The following SFI1 variants were observed in gnomAD, a reference collection of about 807,000 sequenced individuals.
The protein encoded by SFI1 is SFI1 centrin binding protein, also known as protein SFI1 homolog.
Under a neutral mutation model 207.5 loss-of-function variants are expected in SFI1, and 195 were observed. That is an observed-to-expected ratio of 0.94 (90% CI 0.84 to 1.06). The LOEUF is 1.06. Ranked by LOEUF, SFI1 falls within the 50% of genes least tolerant of loss-of-function variation. The pLI is 0.00. For missense variants in SFI1, 1,634 were observed against 1,588.0 expected, an observed-to-expected ratio of 1.03 and a Z score of -0.49; for synonymous variants, 630 against 598.9, an observed-to-expected ratio of 1.05 and a Z score of -0.76.
chr22:31,528,936 T>G, intron 3 of SFI1, 73 bp downstream of exon 3: 1 of 1,438,670 alleles, frequency 7.0e-7, no homozygotes, highest in South Asian at 1.3e-5. Context: ...AATGGGGGAA[T>G]GATTCTTATT....
intron 6 of SFI1, among the ~76,000 whole-genome samples, chr22:31,554,311 CT>C (rs1399106905): frequency 6.6e-6 from 1 of 151,084 alleles, no homozygotes; most frequent in Non-Finnish European, 1.5e-5. Context: ...TTTCTTTTTT[CT>C]TTTTTTTAAA....
Position 31,561,301 on chromosome 22 carries a change from G to C in SFI1, c.674G>C (p.Ser225Thr). Residue 225 changes from serine to threonine, a missense_variant, in exon 8 of 33, where the codon AGC becomes ACC. Ser to Thr is a moderately conservative substitution (Grantham distance 58). Coordinates refer to ENST00000400288, the MANE Select transcript of SFI1 (RefSeq NM_001007467.3). ...TTGCTGTTTCACAGGGTGTGGTGGAGCACGTGGAGGCAGCGACTAGGACAG... is the reference window on the plus strand; with the variant it reads ...TTGCTGTTTCACAGGGTGTGGTGGACCACGTGGAGGCAGCGACTAGGACAG... ...RQRIILRVWWSTWRQRLGQVR... is the reference protein window; with the variant it reads ...RQRIILRVWWTTWRQRLGQVR... 1 of 1,613,984 alleles carries C rather than the reference G, an allele frequency of 6.2e-7. No individual in the cohort carries two copies. The highest frequency in any genetic ancestry group is 8.5e-7 in the Non-Finnish European group (1 of 1,179,914).
At chr22:31,613,576 T>C (rs1365643206) in intron 26 of SFI1, 26 bp from the exon 27 acceptor site, 1 of 1,577,052 alleles carries the variant, frequency 6.3e-7, no homozygotes, top group Admixed American at 1.7e-5. Flanking sequence ...GGGTGTGGCA[T>C]GAGCTGACCA....
intron 3 of SFI1, among the ~76,000 whole-genome samples, chr22:31,530,171 C>CAAAAAAAAAAAAAAAAAAA: frequency 8.3e-5 from 1 of 12,106 alleles, no homozygotes; most frequent in African/African-American, 3.3e-4. Flanking sequence ...GACTCCATCT[C>CAAAAAAAAAAAAAAAAAAA]AAAAAAAAAA....
chr22:31,603,381 G>C (rs1167864700), intron 17 of SFI1, among the ~76,000 whole-genome samples: 1 of 152,180 alleles, frequency 6.6e-6, no homozygotes, highest in Non-Finnish European at 1.5e-5. Context: ...TAAGAGAGAG[G>C]AGGGGAGGCA....
chr22:31,524,074 C>T (rs2057604225), intron 2 of SFI1, among the ~76,000 whole-genome samples: 1 of 151,434 alleles, frequency 6.6e-6, no homozygotes, highest in African/African-American at 2.4e-5. Context: ...TGGTGGCGTG[C>T]ACCTGTAGTC....
chr22:31,580,900 T>G (rs934189283), intron 12 of SFI1, among the ~76,000 whole-genome samples: 1 of 152,144 alleles, frequency 6.6e-6, no homozygotes, highest in Non-Finnish European at 1.5e-5. Context: ...ACTTGTTTGA[T>G]CCCATTTTTT....
At chr22:31,528,938 A>G in intron 3 of SFI1, 75 bp downstream of exon 3, 4 of 1,424,216 alleles carry the variant, frequency 2.8e-6, no homozygotes, top group Non-Finnish European at 3.9e-6. Context: ...TGGGGGAATG[A>G]TTCTTATTCT....
intron 21 of SFI1, 184 bp downstream of exon 21, chr22:31,606,614 C>A: frequency 2.0e-6 from 1 of 497,244 alleles, no homozygotes; most frequent in Non-Finnish European, 3.6e-6. Flanking sequence ...TACTGAATTA[C>A]AAACCAATAT....
chr22:31,614,440 C>T lies in SFI1; in HGVS notation c.2997-349C>T, dbSNP rs1304411646. The T allele has an allele frequency of 2.0e-5, 9 of 445,392 alleles. 1 individual carries two copies. Among genetic ancestry groups the T allele is most frequent in the East Asian group, 1.1e-4 (2 of 18,722 alleles). 27.6% of individuals were successfully genotyped at this position (445,392 alleles called of 1,614,324 possible). A position where few individuals can be genotyped will look rare whatever the true frequency, so the allele number is the denominator to read the frequency against. On this transcript the variant is annotated intron_variant, in intron 27 of 32. Transcript: ENST00000400288. ...AGGTGGGTGCATGGGGCCTGGGTCC[C>T]GGTCCCTGCTGTGCTCCTCACTGTT...
intron 8 of SFI1, among the ~76,000 whole-genome samples, chr22:31,565,189 T>C (rs887435965): frequency 1.3e-5 from 2 of 152,222 alleles, no homozygotes; most frequent in South Asian, 2.1e-4. Flanking sequence ...CCGTCCCTTC[T>C]ACTGCCTCTC....
intron 4 of SFI1, among the ~76,000 whole-genome samples, chr22:31,546,379 G>A (rs899507304): frequency 6.6e-6 from 1 of 151,872 alleles, no homozygotes; most frequent in African/African-American, 2.4e-5. Context: ...TCATCAGGCT[G>A]GAGTGCAGTG....
intron 15 of SFI1, among the ~76,000 whole-genome samples, chr22:31,591,174 T>G (rs373203213): frequency 1.3e-5 from 2 of 152,134 alleles, no homozygotes; most frequent in Non-Finnish European, 2.9e-5. Context: ...TGACTCTTAA[T>G]GAGCATGCTG....
intron 2 of SFI1, among the ~76,000 whole-genome samples, chr22:31,519,105 T>C (rs948938504): frequency 2.6e-5 from 4 of 152,156 alleles, no homozygotes; most frequent in Non-Finnish European, 5.9e-5. Flanking sequence ...GTTGTAATGC[T>C]CATAAAAATA....
At chr22:31,516,931 G>T (rs1042055580) in intron 2 of SFI1, among the ~76,000 whole-genome samples, 1 of 152,000 alleles carries the variant, frequency 6.6e-6, no homozygotes, top group African/African-American at 2.4e-5. Context: ...TCCAGCCTGG[G>T]CAACAAGAGC....
rs779151534 is a variant in SFI1 at position 31,608,030 on chromosome 22, A to G, written c.2251A>G (p.Arg751Gly). The G allele has an allele frequency of 1.6e-5, 26 of 1,613,454 alleles. No homozygotes were observed. The highest frequency in any genetic ancestry group is 1.3e-4 in the Admixed American group (8 of 59,996). The stretch of plus-strand genomic sequence containing the variant: ...CTGGGAGGCCCAGAAGGTGCTGGAC[A>G]GGGGTAAGTGGGGCCCCAGAAGCAA... ...AIWEAQKVLD[R>G]GCLRTWFQRW... Residue 751 changes from arginine (R) to glycine (G), a missense_variant, in exon 22 of 33, where the codon AGG becomes GGG. Arg to Gly is a moderately radical substitution (Grantham distance 125, BLOSUM62 -2). Coordinates refer to ENST00000400288, the MANE Select transcript of SFI1 (RefSeq NM_001007467.3).
intron 5 of SFI1, among the ~76,000 whole-genome samples, chr22:31,549,288 T>TTAA (rs1396283744): frequency 5.4e-5 from 2 of 37,216 alleles, no homozygotes; most frequent in East Asian, 1.7e-3. Flanking sequence ...AGACCCTGTG[T>TTAA]AAAAAAAAAA....
At chr22:31,500,756 C>G (rs1252921235) in intron 1 of SFI1, among the ~76,000 whole-genome samples, 1 of 151,438 alleles carries the variant, frequency 6.6e-6, no homozygotes, top group Non-Finnish European at 1.5e-5. Flanking sequence ...TGTGCCTGCC[C>G]AATAAAGTGG....
In SFI1 at chr22:31,508,240, C is replaced by A; in HGVS notation, c.-30-15C>A. 7.1e-7 allele frequency: 1 copy of A among 1,402,566 alleles called. No individual in the cohort carries two copies. Among genetic ancestry groups the A allele is most frequent in the Non-Finnish European group, 1.0e-6 (1 of 988,540 alleles). The allele number at this position is 1,402,566 out of a possible 1,614,324, so 86.9% of individuals were successfully genotyped here. A position where few individuals can be genotyped will look rare whatever the true frequency, so the allele number is the denominator to read the frequency against. On this transcript the variant is annotated splice_polypyrimidine_tract_variant and intron_variant, in intron 1 of 32. Coordinates refer to ENST00000400288, the MANE Select transcript of SFI1 (RefSeq NM_001007467.3). ...CAAATCATTTTCTCTCTTTTTTATT[C>A]TCTTTTTCTTGTAGTTAGAAGGGGA... is the stretch of plus-strand genomic sequence containing the variant.
Sources: gnomAD v4.1 joint callset for allele counts (sites outside exome capture counted in the v4.1 genomes callset) on GRCh38, gnomAD v4.1.1 for gene constraint, MANE v1.5 for transcripts, NCBI Gene and HGNC (gene_info 2026-07-23, HGNC 2026-07-21) for gene names.